SIPA1L3: variants seen among roughly 807,000 people sequenced by gnomAD.
The protein encoded by SIPA1L3 is signal-induced proliferation-associated 1-like protein 3.
Under a neutral mutation model 150.1 loss-of-function variants are expected in SIPA1L3, and 59 were observed. That is an observed-to-expected ratio of 0.39 (90% CI 0.32 to 0.49). The LOEUF (loss-of-function observed/expected upper bound fraction) is 0.49. SIPA1L3 is among the 20% of genes least tolerant of loss of function. SIPA1L3 has a pLI of 0.86. For missense variants in SIPA1L3, 2,211 were observed against 2,489.5 expected (o/e 0.89, Z 2.38); for synonymous variants, 1,070 against 1,077.6 (o/e 0.99, Z 0.14).
chr19:37,999,222 T>G (rs1432187995), intron 1 of SIPA1L3, among the ~76,000 whole-genome samples: 1 of 152,124 alleles, frequency 6.6e-6, no homozygotes, highest in African/African-American at 2.4e-5. Context: ...ATTTCTCATC[T>G]CTTTCCTGCT....
At chr19:38,128,099 G>A (rs1359227794) in intron 9 of SIPA1L3, among the ~76,000 whole-genome samples, 1 of 139,520 alleles carries the variant, frequency 7.2e-6, no homozygotes, top group Non-Finnish European at 1.5e-5. Context: ...CTGTCGCCCA[G>A]GCTGGAGTGC....
intron 16 of SIPA1L3, chr19:38,184,961 C>T (rs1289930428): frequency 1.3e-5 from 2 of 152,784 alleles, no homozygotes; most frequent in Non-Finnish European, 2.9e-5. Flanking sequence ...CCCATCCACT[C>T]TCCCCTCCTT....
intron 11 of SIPA1L3, among the ~76,000 whole-genome samples, chr19:38,141,985 A>G (rs1971596627): frequency 6.6e-6 from 1 of 152,148 alleles, no homozygotes; most frequent in African/African-American, 2.4e-5. Flanking sequence ...GAAAAATAAA[A>G]TAAAATAAAA....
At chr19:38,061,273 A>AGGC (rs1969440219) in intron 2 of SIPA1L3, among the ~76,000 whole-genome samples, 1 of 151,360 alleles carries the variant, frequency 6.6e-6, no homozygotes, top group Admixed American at 6.6e-5. Flanking sequence ...TATGTTGCCT[A>AGGC]GGCTGGTCTT....
At position 38,081,806 on chromosome 19, in the gene SIPA1L3, G is replaced by T; in HGVS notation, c.241G>T (p.Ala81Ser). 4 of 1,613,150 alleles carry T rather than the reference G, an allele frequency of 2.5e-6. No homozygotes were observed. The highest frequency in any genetic ancestry group is 3.4e-6 in the Non-Finnish European group (4 of 1,179,732). Residue 81 changes from alanine to serine, a missense_variant, in exon 3 of 22, where the codon GCA becomes TCA. Coordinates refer to ENST00000222345, the MANE Select transcript of SIPA1L3 (RefSeq NM_015073.3). Reference protein sequence around the residue: ...TPAMPKMGVRARVADWPPKRE... With the variant: ...TPAMPKMGVRSRVADWPPKRE... ...CGCAATGCCCAAGATGGGCGTGCGCGCAAGGGTGGCCGACTGGCCGCCCAA... is the reference window on the plus strand; with the variant it reads ...CGCAATGCCCAAGATGGGCGTGCGCTCAAGGGTGGCCGACTGGCCGCCCAA...
chr19:37,960,865 A>T (rs1012219953), intron 1 of SIPA1L3, among the ~76,000 whole-genome samples: 1 of 150,626 alleles, frequency 6.6e-6, no homozygotes, highest in African/African-American at 2.4e-5. Flanking sequence ...ATTTTAAAAA[A>T]AAATATATTT....
chr19:38,178,450 A>G (rs1296757991), intron 15 of SIPA1L3, among the ~76,000 whole-genome samples: 1 of 151,598 alleles, frequency 6.6e-6, no homozygotes, highest in Non-Finnish European at 1.5e-5. Context: ...AGGCTTTTCT[A>G]TTGCATGGAT....
chr19:38,102,806 C>T (rs970549781), intron 6 of SIPA1L3, among the ~76,000 whole-genome samples: 4 of 147,946 alleles, frequency 2.7e-5, no homozygotes, highest in African/African-American at 7.5e-5. Flanking sequence ...CACTCCAGCC[C>T]GGATGACAAA....
chr19:38,116,611 G>C (rs1054237123), intron 8 of SIPA1L3, among the ~76,000 whole-genome samples: 1 of 151,620 alleles, frequency 6.6e-6, no homozygotes, highest in Non-Finnish European at 1.5e-5. Context: ...ACTTTGGGAG[G>C]CCAAGGCGGG....
chr19:38,074,308 G>T (rs2145806306), intron 2 of SIPA1L3, among the ~76,000 whole-genome samples: 2 of 152,362 alleles, frequency 1.3e-5, no homozygotes, highest in Middle Eastern at 3.4e-3. Flanking sequence ...TGGATTGAGG[G>T]TTTCTGACTG....
intron 13 of SIPA1L3, among the ~76,000 whole-genome samples, chr19:38,159,417 C>A (rs144818011): frequency 1.3e-4 from 20 of 152,208 alleles, no homozygotes; most frequent in Admixed American, 1.3e-3. Flanking sequence ...ACCTCCTCCC[C>A]CTCAGCCTCA....
chr19:37,977,164 T>C (rs1340639571), intron 1 of SIPA1L3, among the ~76,000 whole-genome samples: 1 of 151,906 alleles, frequency 6.6e-6, no homozygotes, highest in Non-Finnish European at 1.5e-5. Context: ...TTTATTTTAT[T>C]AAAAAAAATT....
chr19:38,058,884 C>T (rs1018780614), intron 2 of SIPA1L3, among the ~76,000 whole-genome samples: 2 of 151,794 alleles, frequency 1.3e-5, no homozygotes, highest in African/African-American at 2.4e-5. Flanking sequence ...ATTAGCCAGG[C>T]GTGGTGGTGC....
At chr19:38,156,490 A>G (rs1971951949) in intron 13 of SIPA1L3, among the ~76,000 whole-genome samples, 2 of 149,956 alleles carry the variant, frequency 1.3e-5, no homozygotes, top group African/African-American at 4.9e-5. Context: ...TGCCGCCGCC[A>G]TACACACACG....
intron 2 of SIPA1L3, among the ~76,000 whole-genome samples, chr19:38,057,407 A>G (rs919637256): frequency 2.0e-5 from 3 of 151,828 alleles, no homozygotes; most frequent in Admixed American, 6.6e-5. Flanking sequence ...GAAAACCACT[A>G]GTAGCCCCAG....
chr19:37,933,147 C>G (rs2046570683), intron 1 of SIPA1L3, among the ~76,000 whole-genome samples: 2 of 152,130 alleles, frequency 1.3e-5, no homozygotes, highest in East Asian at 1.9e-4. Context: ...CTCCCCAACC[C>G]CAGGCCCCCA....
chr19:38,058,181 A>G (rs933592295), intron 2 of SIPA1L3, among the ~76,000 whole-genome samples: 5 of 152,242 alleles, frequency 3.3e-5, no homozygotes, highest in African/African-American at 1.2e-4. Flanking sequence ...GTCCCGGAGC[A>G]GGATGTTTGA....
chr19:38,120,758 C>T (rs1292881559), intron 9 of SIPA1L3, among the ~76,000 whole-genome samples: 4 of 152,228 alleles, frequency 2.6e-5, no homozygotes, highest in Non-Finnish European at 5.9e-5. Context: ...TTGGTGATAG[C>T]TTAGCTGCTG....
chr19:38,086,238 A>G (rs541366311), intron 3 of SIPA1L3, among the ~76,000 whole-genome samples: 82 of 152,324 alleles, frequency 5.4e-4, no homozygotes, highest in Non-Finnish European at 5.3e-4. Context: ...TACGTACATG[A>G]AAGGAATGTG....
Sources: allele counts gnomAD v4.1 joint callset (sites outside exome capture counted in the v4.1 genomes callset), GRCh38; gene constraint gnomAD v4.1.1; transcripts MANE v1.5; gene names NCBI Gene and HGNC (gene_info 2026-07-23, HGNC 2026-07-21).